NT5C3A: variants seen among roughly 807,000 people sequenced by gnomAD.
NT5C3A encodes 5'-nucleotidase, cytosolic IIIA.
In NT5C3A, 23 loss-of-function variants were observed where a neutral mutation model predicts 40.0. The ratio of observed to expected loss-of-function variants is 0.58; its 90% confidence interval spans 0.41 to 0.81. The LOEUF is 0.81. Among genes scored for constraint, NT5C3A ranks in the 40% least tolerant of loss-of-function variants. The pLI, the probability that NT5C3A is intolerant of heterozygous loss-of-function variation, is 0.00. For missense variants in NT5C3A, 328 were observed against 403.0 expected (o/e 0.81, Z 1.59); for synonymous variants, 130 against 141.4 (o/e 0.92, Z 0.57).
chr7:33,039,614 T>C (rs1786816463), intron 1 of NT5C3A, among the ~76,000 whole-genome samples: 1 of 142,324 alleles, frequency 7.0e-6, no homozygotes, highest in African/African-American at 2.6e-5. Flanking sequence ...ACATGCAAAA[T>C]CAAACTGTAA....
chr7:33,060,020 C>T (rs546119086), intron 1 of NT5C3A, among the ~76,000 whole-genome samples: 1 of 152,300 alleles, frequency 6.6e-6, no homozygotes, highest in South Asian at 2.1e-4. Context: ...GGTGTGATCA[C>T]GACTCACTGC....
chr7:33,037,964 T>C (rs1786701671), intron 1 of NT5C3A, among the ~76,000 whole-genome samples: 1 of 152,110 alleles, frequency 6.6e-6, no homozygotes, highest in Non-Finnish European at 1.5e-5. Flanking sequence ...GGTCTAACTT[T>C]TTTCTGTCAC....
rs1785210819 is a variant in NT5C3A at position 33,014,375 on chromosome 7, T to C, written c.*355A>G. ...TAAAATCATGCATATTATTTCACCA[T>C]TTCATAAAACTTATTTTAAAATTTC... On this transcript the variant is annotated 3_prime_UTR_variant, in exon 9 of 9. Coordinates refer to ENST00000610140, the MANE Select transcript of NT5C3A (RefSeq NM_001002010.5). The C allele has an allele frequency of 2.2e-6, 1 of 456,166 alleles. No homozygotes were observed. The highest frequency in any genetic ancestry group is 6.9e-5 in the East Asian group (1 of 14,508). 28.3% of individuals were successfully genotyped at this position (456,166 alleles called of 1,614,324 possible).
intron 1 of NT5C3A, among the ~76,000 whole-genome samples, chr7:33,033,853 C>T (rs1448442981): frequency 2.7e-5 from 4 of 146,788 alleles, no homozygotes; most frequent in South Asian, 4.3e-4. Flanking sequence ...GAATAACATG[C>T]TATAAAGTTG....
chr7:33,050,498 T>G (rs1277717981), intron 1 of NT5C3A, among the ~76,000 whole-genome samples: 1 of 152,192 alleles, frequency 6.6e-6, no homozygotes, highest in African/African-American at 2.4e-5. Context: ...CTGATCTTTT[T>G]CACTGGGAAA....
intron 3 of NT5C3A, among the ~76,000 whole-genome samples, chr7:33,023,497 G>C (rs1017687358): frequency 1.3e-5 from 2 of 152,076 alleles, no homozygotes; most frequent in African/African-American, 2.4e-5. Context: ...GACTGCAAAT[G>C]ATCTGCCCGC....
At chr7:33,042,073 A>AT (rs1786942552) in intron 1 of NT5C3A, among the ~76,000 whole-genome samples, 2 of 152,206 alleles carry the variant, frequency 1.3e-5, no homozygotes, top group Non-Finnish European at 1.5e-5. Flanking sequence ...GTGGTGGCTC[A>AT]TGCCTGTAAT....
intron 1 of NT5C3A, among the ~76,000 whole-genome samples, chr7:33,057,347 C>T (rs1372939146): frequency 6.6e-6 from 1 of 151,972 alleles, no homozygotes; most frequent in Non-Finnish European, 1.5e-5. Context: ...TGTGGCAAAA[C>T]CCCCATCTCT....
intron 1 of NT5C3A, among the ~76,000 whole-genome samples, chr7:33,045,380 C>T (rs10486512): frequency 0.72 from 110,270 of 152,122 alleles, 40,233 homozygotes; most frequent in African/African-American, 0.79. Flanking sequence ...TATATGAATA[C>T]GGTTTAAAAT....
chr7:33,051,802 C>T (rs926476479), intron 1 of NT5C3A, among the ~76,000 whole-genome samples: 1 of 152,068 alleles, frequency 6.6e-6, no homozygotes, highest in African/African-American at 2.4e-5. Context: ...TTTTAAAAAC[C>T]ATACCCAAAG....
chr7:33,018,573 G>A (rs559834278), intron 6 of NT5C3A, among the ~76,000 whole-genome samples: 1 of 152,272 alleles, frequency 6.6e-6, no homozygotes, highest in East Asian at 1.9e-4. Flanking sequence ...CTCTTGGGCC[G>A]GGCGCAGTGG....
chr7:33,032,440 A>AAAAAT (rs1235238078), intron 1 of NT5C3A, among the ~76,000 whole-genome samples: 1,714 of 149,668 alleles, frequency 0.011, 22 homozygotes, highest in Non-Finnish European at 0.018. Flanking sequence ...AAAAAAAAAA[A>AAAAAT]AATTTACTTT....
intron 1 of NT5C3A, among the ~76,000 whole-genome samples, chr7:33,028,548 T>C (rs1786072968): frequency 6.6e-6 from 1 of 152,206 alleles, no homozygotes; most frequent in Non-Finnish European, 1.5e-5. Flanking sequence ...ATTTATATGT[T>C]TTTATTCTGG....
intron 4 of NT5C3A, 106 bp from the exon 5 acceptor site, chr7:33,021,463 T>A: frequency 7.3e-7 from 1 of 1,376,150 alleles, no homozygotes; most frequent in Non-Finnish European, 9.9e-7. Context: ...CAAACTGCTT[T>A]AAAAGTTGAG....
At chr7:33,028,789 C>T (rs1169159779) in intron 1 of NT5C3A, among the ~76,000 whole-genome samples, 3 of 152,098 alleles carry the variant, frequency 2.0e-5, no homozygotes, top group East Asian at 1.9e-4. Flanking sequence ...GGCACAGTGG[C>T]TCACGCCTGT....
At chr7:33,017,731 C>T in intron 6 of NT5C3A, 130 bp from the exon 7 acceptor site, 1 of 758,848 alleles carries the variant, frequency 1.3e-6, no homozygotes, top group Non-Finnish European at 2.3e-6. Flanking sequence ...ATATACTGCC[C>T]AAGAGGGCTG....
Position 33,014,417 on chromosome 7 carries a change from G to C in NT5C3A, c.*313C>G. The C allele has an allele frequency of 2.1e-6, 1 of 469,932 alleles. No individual in the cohort carries two copies. Among genetic ancestry groups the C allele is most frequent in the Non-Finnish European group, 4.2e-6 (1 of 238,332 alleles). 29.1% of individuals were successfully genotyped at this position (469,932 alleles called of 1,614,324 possible). On this transcript the variant is annotated 3_prime_UTR_variant, in exon 9 of 9. Coordinates refer to ENST00000610140, the MANE Select transcript of NT5C3A (RefSeq NM_001002010.5). ...TAAAATTTCTACAAACTTTCCCAGT[G>C]TAAAAGACTCCTCAAAAGCTGCATG... is the stretch of plus-strand genomic sequence containing the variant.
intron 1 of NT5C3A, among the ~76,000 whole-genome samples, chr7:33,048,244 T>C (rs992824027): frequency 1.3e-5 from 2 of 151,872 alleles, no homozygotes; most frequent in Non-Finnish European, 1.5e-5. Context: ...GAGGTCCCCT[T>C]ATTTTGCCCA....
chr7:33,023,986 TTAAAA>T (rs1785775179), intron 3 of NT5C3A, 48 bp downstream of exon 3: 2 of 1,084,500 alleles, frequency 1.8e-6, no homozygotes, highest in African/African-American at 1.5e-5. Context: ...AAAGAGGATC[TTAAAA>T]TAATGATGAC....
Sources: gnomAD v4.1 joint callset for allele counts (sites outside exome capture counted in the v4.1 genomes callset) on GRCh38, gnomAD v4.1.1 for gene constraint, MANE v1.5 for transcripts, NCBI Gene and HGNC (gene_info 2026-07-23, HGNC 2026-07-21) for gene names.